CDH13: variants seen among roughly 807,000 people sequenced by gnomAD.
CDH13 encodes cadherin-13.
A neutral mutation model predicts 63.8 loss-of-function variants in CDH13; 24 were observed. The observed-to-expected ratio is 0.38, with a 90% CI of 0.27 to 0.53. The LOEUF is 0.53. CDH13 is among the 20% of genes least tolerant of loss of function. The probability of loss-of-function intolerance (pLI) is 0.85; values close to 1 mark genes in which losing one functional copy is unlikely to be tolerated. For synonymous variants in CDH13, 503 were observed against 355.3 expected (o/e 1.42, Z -4.67); for missense variants, 1,049 against 903.1 (o/e 1.16, Z -2.07).
chr16:82,836,829 C>T (rs1425867282), intron 1 of CDH13, among the ~76,000 whole-genome samples: 1 of 152,220 alleles, frequency 6.6e-6, no homozygotes, highest in African/African-American at 2.4e-5. Context: ...ATTTTCATAA[C>T]CCACCTTTCC....
chr16:83,061,338 T>A (rs1420923845), intron 3 of CDH13, among the ~76,000 whole-genome samples: 1 of 151,794 alleles, frequency 6.6e-6, no homozygotes, highest in African/African-American at 2.4e-5. Context: ...TTTGTCCGGA[T>A]GAGTGGATTT....
chr16:83,633,774 G>C (rs1420227050), intron 8 of CDH13, among the ~76,000 whole-genome samples: 3 of 152,120 alleles, frequency 2.0e-5, no homozygotes, highest in Non-Finnish European at 4.4e-5. Context: ...AGGGTTCTGG[G>C]CCTGTACAGT....
intron 1 of CDH13, among the ~76,000 whole-genome samples, chr16:82,715,147 G>A (rs556180503): frequency 1.1e-4 from 16 of 151,122 alleles, no homozygotes; most frequent in African/African-American, 2.9e-4. Context: ...AACTCACTCA[G>A]TTCATGCCCA....
chr16:83,341,990 CA>C (rs1357521269), intron 5 of CDH13, among the ~76,000 whole-genome samples: 12 of 19,936 alleles, frequency 6.0e-4, no homozygotes, highest in African/African-American at 1.1e-3. Context: ...TGTCCCCTGC[CA>C]CACACACACA....
rs991361988 is a variant in CDH13 at position 83,047,832 on chromosome 16, T to A, written c.366+15614T>A. On this transcript the variant is annotated intron_variant, in intron 3 of 13. Transcript: ENST00000567109. The surrounding 1 kb of genome is among the most constrained non-coding windows in gnomAD (Gnocchi z 4.9). ...GCATTTCTTACATTAAGTCATATAATCTTTATAATAACTCTATAATATAGG... is the reference window on the plus strand; with the variant it reads ...GCATTTCTTACATTAAGTCATATAAACTTTATAATAACTCTATAATATAGG... 2.6e-5 allele frequency among the ~76,000 whole-genome samples: 4 copies of A among 152,230 alleles called. No homozygotes were observed. Among genetic ancestry groups the A allele is most frequent in the African/African-American group, 9.6e-5 (4 of 41,476 alleles).
intron 7 of CDH13, among the ~76,000 whole-genome samples, chr16:83,567,729 G>A (rs918675305): frequency 3.3e-5 from 5 of 152,114 alleles, no homozygotes; most frequent in Non-Finnish European, 7.4e-5. Context: ...CTGAATAGCT[G>A]GCACTACAGG....
intron 3 of CDH13, among the ~76,000 whole-genome samples, chr16:83,116,199 T>C (rs2035284706): frequency 6.6e-6 from 1 of 152,232 alleles, no homozygotes; most frequent in Non-Finnish European, 1.5e-5. Context: ...CTTCCCCATT[T>C]GGTCTTGACA....
chr16:83,725,340 G>A (rs4782837), intron 10 of CDH13: 34,090 of 152,136 alleles, frequency 0.22, 3,908 homozygotes, highest in Admixed American at 0.31. Flanking sequence ...ATCCTTAGGC[G>A]TCAGTCTGGG....
At chr16:83,757,154 C>G (rs986326845) in intron 11 of CDH13, among the ~76,000 whole-genome samples, 2 of 152,118 alleles carry the variant, frequency 1.3e-5, no homozygotes, top group African/African-American at 4.8e-5. Context: ...GAACATAAAA[C>G]AGTACACTTC....
At chr16:83,460,574 C>G (rs560152345) in intron 6 of CDH13, among the ~76,000 whole-genome samples, 3 of 152,076 alleles carry the variant, frequency 2.0e-5, no homozygotes, top group Non-Finnish European at 4.4e-5. Flanking sequence ...GTGGAAAACA[C>G]AGTCTGCAGA....
At chr16:83,359,885 A>C (rs190677262) in intron 6 of CDH13, among the ~76,000 whole-genome samples, 1 of 152,320 alleles carries the variant, frequency 6.6e-6, no homozygotes, top group African/African-American at 2.4e-5. Context: ...TCATTGCCAC[A>C]GTCAGTTTTG....
intron 2 of CDH13, among the ~76,000 whole-genome samples, chr16:82,882,908 T>G (rs2040756077): frequency 6.6e-6 from 1 of 152,178 alleles, no homozygotes; most frequent in Non-Finnish European, 1.5e-5. Context: ...GCTGTTTAAA[T>G]GAAGGAAGCA....
chr16:83,551,528 C>G (rs2075497720), intron 7 of CDH13, among the ~76,000 whole-genome samples: 1 of 152,194 alleles, frequency 6.6e-6, no homozygotes, highest in Non-Finnish European at 1.5e-5. Context: ...CACATTGGTG[C>G]TTCACTGTGT....
In CDH13 at chr16:83,372,977, G is replaced by T. The variant is rs375393127; in HGVS notation, c.781+27971G>T. Among the ~76,000 whole-genome samples the T allele has an allele frequency of 1.4e-4, 21 of 152,232 alleles. No homozygotes were observed. In the South Asian group the frequency reaches 4.4e-3, roughly 32 times the overall value. ...GTGAAATCTTTATAGGAGATGAACT[G>T]AAATAGTTTAGAAAGAATGCATTAA... is the stretch of plus-strand genomic sequence containing the variant. On this transcript the variant is annotated intron_variant, in intron 6 of 13. Coordinates refer to ENST00000567109, the MANE Select transcript of CDH13 (RefSeq NM_001257.5).
chr16:83,065,880 A>C (rs1438657623), intron 3 of CDH13, among the ~76,000 whole-genome samples: 3 of 152,116 alleles, frequency 2.0e-5, no homozygotes, highest in Non-Finnish European at 4.4e-5. Context: ...GCCTCTACTA[A>C]ACCATGCCAC....
chr16:82,770,961 C>G (rs145968225), intron 1 of CDH13, among the ~76,000 whole-genome samples: 59 of 152,308 alleles, frequency 3.9e-4, no homozygotes, highest in African/African-American at 9.4e-4. Context: ...GCAATCCCCC[C>G]GCTTCGGCCT....
intron 1 of CDH13, among the ~76,000 whole-genome samples, chr16:82,718,062 A>T (rs2032509202): frequency 6.6e-6 from 1 of 152,224 alleles, no homozygotes; most frequent in Non-Finnish European, 1.5e-5. Context: ...CAAGGTGTTT[A>T]TTTGAGAGGT....
At chr16:83,643,709 G>T (rs1230488683) in intron 8 of CDH13, among the ~76,000 whole-genome samples, 1 of 152,130 alleles carries the variant, frequency 6.6e-6, no homozygotes, top group East Asian at 1.9e-4. Flanking sequence ...GAAGCAGTCA[G>T]GAGAATGGGT....
intron 2 of CDH13, among the ~76,000 whole-genome samples, chr16:82,890,678 C>A (rs956453238): frequency 7.5e-6 from 1 of 133,552 alleles, no homozygotes; most frequent in Non-Finnish European, 1.6e-5. Context: ...CCAAGACTAA[C>A]TTTTGCTCTG....
Sources: gnomAD v4.1 joint callset for allele counts (sites outside exome capture counted in the v4.1 genomes callset) on GRCh38, gnomAD v4.1.1 for gene constraint, Gnocchi (gnomAD v3.1) non-coding constraint, MANE v1.5 for transcripts, NCBI Gene and HGNC (gene_info 2026-07-23, HGNC 2026-07-21) for gene names.